The following TDRD5 variants were observed in gnomAD, a reference collection of about 807,000 sequenced individuals.
The protein encoded by TDRD5 is tudor domain containing 5.
TDRD5 carries 41 observed loss-of-function variants against 120.6 expected under a neutral mutation model. The ratio of observed to expected loss-of-function variants is 0.34; its 90% CI spans 0.26 to 0.44. The LOEUF is 0.44. Among genes scored for constraint, TDRD5 ranks in the 20% least tolerant of loss-of-function variants. The probability of loss-of-function intolerance (pLI) is 1.00; values close to 1 mark genes in which losing one functional copy is unlikely to be tolerated. For missense variants in TDRD5, 1,006 were observed against 1,221.2 expected (o/e 0.82, Z 2.63); for synonymous variants, 430 against 433.7 (o/e 0.99, Z 0.11).
In TDRD5 at chr1:179,690,919, C is replaced by A; in HGVS notation, c.3084C>A (p.Pro1028=). 6.2e-7 allele frequency: 1 copy of A among 1,613,266 alleles called. No individual in the cohort carries two copies. The highest frequency in any genetic ancestry group is 1.1e-5 in the South Asian group (1 of 90,958). ...CCAGGAGCCTCCTACACTGGTACCC[C>A]AGTGTGAAAAGGATGGAAGCATGAG... ...ATSRSLLHWY[P]SVKRMEA is the part of the protein sequence containing the mutation. The change falls in exon 18 of 18, where the codon CCC becomes CCA. Residue 1028 remains proline (P), a synonymous_variant. Transcript: ENST00000444136.
At chr1:179,683,928 CA>C (rs539793318) in intron 17 of TDRD5, among the ~76,000 whole-genome samples, 15 of 152,250 alleles carry the variant, frequency 9.9e-5, no homozygotes, top group Admixed American at 9.2e-4. Flanking sequence ...TACGAGTACA[CA>C]TCTCAGAGTG....
At chr1:179,671,814 A>G in intron 17 of TDRD5, among the ~76,000 whole-genome samples, 1 of 152,106 alleles carries the variant, frequency 6.6e-6, no homozygotes, top group East Asian at 1.9e-4. Context: ...CTTAGCTCCC[A>G]CCTATGACTG....
At chr1:179,652,248 T>C in intron 13 of TDRD5, 51 bp downstream of exon 13, 1 of 1,501,778 alleles carries the variant, frequency 6.7e-7, no homozygotes, top group South Asian at 1.3e-5. Context: ...ACTGTAATCC[T>C]CATTTTTTTA....
chr1:179,664,500 A>G (rs1679466251), intron 16 of TDRD5, among the ~76,000 whole-genome samples: 1 of 152,090 alleles, frequency 6.6e-6, no homozygotes, highest in South Asian at 2.1e-4. Context: ...TTAGGCAGCT[A>G]CTTACTAATC....
At chr1:179,597,332 C>CTTTTTTTTTTTTTTTTTTTTTTTTTCT (rs945509784) in intron 4 of TDRD5, among the ~76,000 whole-genome samples, 1 of 125,572 alleles carries the variant, frequency 8.0e-6, no homozygotes, top group Non-Finnish European at 1.6e-5. Flanking sequence ...TTCTTTTTTT[C>CTTTTTTTTTTTTTTTTTTTTTTTTTCT]TTTTTTTTTT....
At chr1:179,634,693 T>C (rs1044367027) in intron 8 of TDRD5, 64 bp downstream of exon 8, 4 of 1,494,710 alleles carry the variant, frequency 2.7e-6, no homozygotes, top group Middle Eastern at 1.8e-4. Context: ...TGAATGTGTG[T>C]TTCTTTAAAC....
chr1:179,597,581 C>G (rs1175611578), intron 4 of TDRD5, among the ~76,000 whole-genome samples: 3 of 152,124 alleles, frequency 2.0e-5, no homozygotes, highest in African/African-American at 7.2e-5. Flanking sequence ...CTGCCTGCCT[C>G]AGCTTCCCAA....
chr1:179,624,250 C>T (rs181311164), intron 6 of TDRD5, among the ~76,000 whole-genome samples: 3 of 152,256 alleles, frequency 2.0e-5, no homozygotes, highest in East Asian at 1.9e-4. Context: ...TTAAAACTCT[C>T]AGAAAACTAG....
intron 7 of TDRD5, 23 bp downstream of exon 7, chr1:179,630,943 G>A (rs1420808288): frequency 6.3e-7 from 1 of 1,593,382 alleles, no homozygotes; most frequent in Admixed American, 1.8e-5. Context: ...ACAGTATGAT[G>A]CAAACCTCAT....
chr1:179,690,652 T>C, intron 17 of TDRD5, 44 bp from the exon 18 acceptor site: 1 of 1,591,662 alleles, frequency 6.3e-7, no homozygotes. Flanking sequence ...GCAGTGAGTA[T>C]GAGTACCCCT....
In TDRD5 at chr1:179,635,805, A is replaced by G. The variant is rs779996593; in HGVS notation, c.1438A>G (p.Ile480Val). Residue 480 changes from isoleucine to valine, a missense_variant, in exon 9 of 18, where the codon ATC (isoleucine) becomes GTC (valine). By Grantham distance (29) the Ile-to-Val change is conservative. This residue lies in a region of TDRD5 where 158 missense variants were observed against 257.5 expected (regional missense o/e 0.61). Coordinates refer to ENST00000444136, the MANE Select transcript of TDRD5 (RefSeq NM_001199085.3). The stretch of plus-strand genomic sequence containing the variant: ...CCTCATAGGGGTCTTTGTGGAGTAT[A>G]TCATCTCTCCTAGTCAATTCTACAT... ...SSLIGVFVEY[I>V]ISPSQFYIRI... 3.1e-6 allele frequency: 5 copies of G among 1,614,074 alleles called. No homozygotes were observed. Among genetic ancestry groups the G allele is most frequent in the Non-Finnish European group, 1.7e-6 (2 of 1,180,012 alleles).
chr1:179,661,686 C>G (rs1679320342), intron 14 of TDRD5, among the ~76,000 whole-genome samples: 1 of 152,150 alleles, frequency 6.6e-6, no homozygotes, highest in African/African-American at 2.4e-5. Context: ...CTTACACAGA[C>G]TTTCAGCCAG....
Position 179,593,805 on chromosome 1 carries a change from C to T in TDRD5, c.578C>T (p.Ala193Val), listed in dbSNP as rs758367971. Residue 193 changes from alanine (A) to valine (V), a missense_variant, in exon 3 of 18, where the codon GCA becomes GTA. This residue lies in a region of TDRD5 where 445 missense variants were observed against 515.5 expected (regional missense o/e 0.86). Transcript: ENST00000444136. ...SDVISVEQTR[A>V]GSLLMLKKSV... ...GTCATTTCTGTAGAGCAGACCAGAG[C>T]AGGTTCTTTGTTGATGCTAAAGAAG... The T allele has an allele frequency of 6.2e-7, 1 of 1,614,106 alleles. No homozygotes were observed. The highest frequency in any genetic ancestry group is 1.7e-5 in the Admixed American group (1 of 60,014).
At chr1:179,610,707 A>AT (rs1395362707) in intron 4 of TDRD5, among the ~76,000 whole-genome samples, 4 of 151,896 alleles carry the variant, frequency 2.6e-5, no homozygotes, top group Admixed American at 6.6e-5. Context: ...GACAAAGTTG[A>AT]TTTTTTTTAG....
intron 11 of TDRD5, among the ~76,000 whole-genome samples, chr1:179,642,732 G>C (rs185006437): frequency 1.3e-5 from 2 of 152,228 alleles, no homozygotes; most frequent in East Asian, 3.9e-4. Context: ...TTTGTGCCTG[G>C]TAAATGCTCA....
At chr1:179,623,625 CTT>C (rs11428251) in intron 6 of TDRD5, among the ~76,000 whole-genome samples, 1,045 of 97,874 alleles carry the variant, frequency 0.011, 13 homozygotes, top group African/African-American at 0.036. Flanking sequence ...CCAACTCATT[CTT>C]TTTTTTTTTT....
intron 16 of TDRD5, among the ~76,000 whole-genome samples, chr1:179,666,916 C>T (rs2147772698): frequency 6.6e-6 from 1 of 152,312 alleles, no homozygotes; most frequent in East Asian, 1.9e-4. Context: ...TTTGTTGAGA[C>T]TAACCTGTAG....
rs945509784 is a variant in TDRD5 at position 179,597,332 on chromosome 1, CT to C, written c.831+1531del. 2.6e-3 allele frequency among the ~76,000 whole-genome samples: 327 copies of C among 125,564 alleles called. 1 individual carries two copies. The highest frequency in any genetic ancestry group is 6.3e-3 in the African/African-American group (216 of 34,178). 82.4% of individuals were successfully genotyped at this position (125,564 alleles called of 152,430 possible). ...ATATTTTTCTTTCTTTTCTTTTTTT[CT>C]TTTTTTTTTTTTTTTTGATAGGGAG... is the stretch of plus-strand genomic sequence containing the variant. On this transcript the variant is annotated intron_variant, in intron 4 of 17. Coordinates refer to ENST00000444136, the MANE Select transcript of TDRD5 (RefSeq NM_001199085.3).
intron 6 of TDRD5, among the ~76,000 whole-genome samples, chr1:179,626,519 T>G (rs894626518): frequency 6.6e-6 from 1 of 152,190 alleles, no homozygotes; most frequent in African/African-American, 2.4e-5. Flanking sequence ...TGTGTGCATT[T>G]CACTGCGTGT....
Sources: allele counts gnomAD v4.1 joint callset (sites outside exome capture counted in the v4.1 genomes callset), GRCh38; gene constraint gnomAD v4.1.1; regional missense constraint gnomAD v4.1.1; transcripts MANE v1.5; gene names NCBI Gene and HGNC (gene_info 2026-07-23, HGNC 2026-07-21).